RETREG1: variants seen among roughly 807,000 people sequenced by gnomAD.
RETREG1 encodes the protein reticulophagy regulator 1.
A neutral mutation model predicts 54.8 loss-of-function variants in RETREG1; 44 were observed. That is an observed-to-expected ratio of 0.80 (90% CI 0.63 to 1.03). The LOEUF is 1.03. Among genes scored for constraint, RETREG1 ranks in the 50% least tolerant of loss-of-function variants. The pLI is 0.00. For synonymous variants in RETREG1, 217 were observed against 238.5 expected (o/e 0.91, Z 0.83); for missense variants, 554 against 605.1 (o/e 0.92, Z 0.89).
intron 3 of RETREG1, among the ~76,000 whole-genome samples, chr5:16,515,493 A>G (rs1320064958): frequency 6.6e-6 from 1 of 152,144 alleles, no homozygotes; most frequent in African/African-American, 2.4e-5. Context: ...ATAGAACTGT[A>G]TACATAAAAA....
intron 3 of RETREG1, among the ~76,000 whole-genome samples, 183 bp downstream of exon 3, chr5:16,565,580 G>A (rs1282225669): frequency 6.6e-6 from 1 of 152,030 alleles, no homozygotes; most frequent in Admixed American, 6.5e-5. Flanking sequence ...TTCCTAGAAT[G>A]AGTCCCAACT....
In RETREG1 at chr5:16,527,967, A is replaced by G. The variant is rs372145658; in HGVS notation, c.458+37796T>C. On this transcript the variant is annotated intron_variant, in intron 3 of 8. Transcript: ENST00000306320. The stretch of plus-strand genomic sequence containing the variant: ...TGGGACTACAGACACCCGCCACCAC[A>G]CCCAGCTAATTTTTTGTATTTTTAG... Among the ~76,000 whole-genome samples the G allele has an allele frequency of 2.9e-4, 44 of 151,020 alleles. No individual in the cohort carries two copies. The East Asian group carries it at 7.8e-3, about 27-fold the overall frequency.
intron 1 of RETREG1, among the ~76,000 whole-genome samples, chr5:16,582,428 C>G (rs1742514306): frequency 6.6e-6 from 1 of 151,244 alleles, no homozygotes; most frequent in African/African-American, 2.4e-5. Context: ...GATTCAGTAA[C>G]ATTATTTTGA....
intron 3 of RETREG1, among the ~76,000 whole-genome samples, chr5:16,514,093 G>C (rs1338381442): frequency 6.6e-6 from 1 of 152,116 alleles, no homozygotes; most frequent in African/African-American, 2.4e-5. Context: ...TTTATATACT[G>C]CTATTAAGGA....
At chr5:16,528,647 A>G (rs1046696402) in intron 3 of RETREG1, among the ~76,000 whole-genome samples, 2 of 152,232 alleles carry the variant, frequency 1.3e-5, no homozygotes, top group Non-Finnish European at 1.5e-5. Context: ...ATGTGCAAGA[A>G]GGGACAAGGT....
chr5:16,591,472 T>G (rs1165698961), intron 1 of RETREG1, among the ~76,000 whole-genome samples: 1 of 152,180 alleles, frequency 6.6e-6, no homozygotes, highest in Non-Finnish European at 1.5e-5. Flanking sequence ...ATGTTTGTTT[T>G]TAATGCTTTT....
At chr5:16,615,343 C>G (rs1487717802) in intron 1 of RETREG1, among the ~76,000 whole-genome samples, 1 of 139,988 alleles carries the variant, frequency 7.1e-6, no homozygotes, top group Non-Finnish European at 1.5e-5. Context: ...GAGCTTGCAG[C>G]GAGCCGAGAT....
intron 1 of RETREG1, among the ~76,000 whole-genome samples, chr5:16,599,215 G>A (rs1382052709): frequency 1.3e-5 from 2 of 151,996 alleles, no homozygotes; most frequent in East Asian, 3.9e-4. Flanking sequence ...TCAATAAAAA[G>A]GAAAAAATAA....
At chr5:16,503,415 T>G (rs1739800621) in intron 3 of RETREG1, among the ~76,000 whole-genome samples, 1 of 152,080 alleles carries the variant, frequency 6.6e-6, no homozygotes, top group African/African-American at 2.4e-5. Flanking sequence ...ACACCTGTAA[T>G]CCCAACACTT....
At chr5:16,502,101 C>A (rs577764994) in intron 3 of RETREG1, among the ~76,000 whole-genome samples, 1 of 151,864 alleles carries the variant, frequency 6.6e-6, no homozygotes. Context: ...GGACTACAGG[C>A]GCCCGCCACC....
rs370219474 is a variant in RETREG1 at position 16,572,665 on chromosome 5, A to G, written c.321-563T>C. ...TTTCGGGCAGAGGATTTGCTATCTC[A>G]GGCATAGACCAAAATATTGCTCCTA... On this transcript the variant is annotated intron_variant, in intron 1 of 8. Coordinates refer to ENST00000306320, the MANE Select transcript of RETREG1 (RefSeq NM_001034850.3). 1.4e-3 allele frequency among the ~76,000 whole-genome samples: 212 copies of G among 152,296 alleles called. 2 individuals carry two copies. The highest frequency in any genetic ancestry group is 4.8e-3 in the African/African-American group (201 of 41,556).
intron 3 of RETREG1, among the ~76,000 whole-genome samples, chr5:16,539,106 G>A (rs1035077315): frequency 6.6e-6 from 1 of 152,152 alleles, no homozygotes; most frequent in Non-Finnish European, 1.5e-5. Context: ...TCAGTATAAG[G>A]CACCTCTAAG....
chr5:16,512,526 G>A (rs1740211751), intron 3 of RETREG1, among the ~76,000 whole-genome samples: 1 of 151,586 alleles, frequency 6.6e-6, no homozygotes, highest in Non-Finnish European at 1.5e-5. Context: ...CCACTTCAAA[G>A]CTAAACGTTC....
rs533708089 is a variant in RETREG1, at chr5:16,561,222, G to A, written c.458+4541C>T. On this transcript the variant is annotated intron_variant, in intron 3 of 8. Transcript: ENST00000306320. The surrounding 1 kb of genome is among the most constrained non-coding windows in gnomAD (Gnocchi z 4.2). The stretch of plus-strand genomic sequence containing the variant: ...TCCTATAAACGGTACTTCCCGCCGG[G>A]CGCAGTGGCTCACACCTGTAATCCC... Among the ~76,000 whole-genome samples, 15 of 152,292 alleles carry A rather than the reference G, an allele frequency of 9.8e-5. No homozygotes were observed. In the South Asian group the frequency reaches 3.1e-3, roughly 32 times the overall value.
intron 1 of RETREG1, among the ~76,000 whole-genome samples, chr5:16,590,275 G>A (rs898229499): frequency 2.0e-5 from 3 of 152,102 alleles, no homozygotes; most frequent in Non-Finnish European, 4.4e-5. Context: ...CACCGATGGA[G>A]ACCACACACC....
intron 8 of RETREG1, 25 bp from the exon 9 acceptor site, chr5:16,475,259 A>G (rs755171882): frequency 1.3e-5 from 21 of 1,606,628 alleles, no homozygotes; most frequent in Non-Finnish European, 1.8e-5. Flanking sequence ...ACAGAAGTTC[A>G]GACTGAAGCA....
At chr5:16,528,833 C>T (rs334489) in intron 3 of RETREG1, among the ~76,000 whole-genome samples, 150,921 of 152,286 alleles carry the variant, frequency 0.99, 74,790 homozygotes, top group Middle Eastern at 1. Context: ...ACAGTGCCTG[C>T]CACAATACTC....
chr5:16,485,210 G>C (rs1347878057), intron 3 of RETREG1, among the ~76,000 whole-genome samples: 1 of 152,070 alleles, frequency 6.6e-6, no homozygotes, highest in African/African-American at 2.4e-5. Context: ...CAGTTTAATG[G>C]GACCATGAAG....
intron 3 of RETREG1, chr5:16,508,522 T>A: frequency 6.7e-7 from 1 of 1,494,702 alleles, no homozygotes. Flanking sequence ...TTTAAAAAGA[T>A]AACTAGCCAG....
Sources: gnomAD v4.1 joint callset for allele counts (sites outside exome capture counted in the v4.1 genomes callset) on GRCh38, gnomAD v4.1.1 for gene constraint, Gnocchi (gnomAD v3.1) non-coding constraint, MANE v1.5 for transcripts, NCBI Gene and HGNC (gene_info 2026-07-23, HGNC 2026-07-21) for gene names.